Variants in PLXDC1 observed in about 807,000 individuals in gnomAD.
PLXDC1 encodes the protein plexin domain-containing protein 1.
A neutral mutation model predicts 61.3 loss-of-function variants in PLXDC1; 39 were observed. The ratio of observed to expected loss-of-function variants is 0.64; its 90% CI spans 0.49 to 0.83. The LOEUF is 0.83. Ranked by LOEUF, PLXDC1 falls within the 40% of genes least tolerant of loss-of-function variation. PLXDC1 has a pLI of 0.00. For missense variants in PLXDC1, 596 were observed against 666.5 expected (o/e 0.89, Z 1.17); for synonymous variants, 212 against 254.5 (o/e 0.83, Z 1.59).
intron 2 of PLXDC1, among the ~76,000 whole-genome samples, chr17:39,131,400 C>G (rs1250913997): frequency 6.6e-6 from 1 of 151,558 alleles, no homozygotes; most frequent in Non-Finnish European, 1.5e-5. Context: ...GTCGCCCAGG[C>G]TGGAGTGCAG....
chr17:39,135,363 T>C (rs1411896940), intron 2 of PLXDC1, among the ~76,000 whole-genome samples: 2 of 152,170 alleles, frequency 1.3e-5, no homozygotes, highest in South Asian at 2.1e-4. Flanking sequence ...AATTATAAAA[T>C]TGGTTTGAAA....
intron 5 of PLXDC1, chr17:39,107,746 C>T (rs1391864424): frequency 1.7e-6 from 1 of 597,068 alleles, no homozygotes; most frequent in Non-Finnish European, 3.0e-6. Flanking sequence ...AGATACTGTA[C>T]TTGATCATCT....
At chr17:39,087,147 A>T (rs925368733) in intron 8 of PLXDC1, among the ~76,000 whole-genome samples, 3 of 152,106 alleles carry the variant, frequency 2.0e-5, no homozygotes, top group Admixed American at 1.3e-4. Context: ...TGGTTTATGG[A>T]GGCCACCTGC....
rs371702899 is a variant in PLXDC1, at chr17:39,139,696, G to T, written c.213C>A (p.Thr71=). The T allele has an allele frequency of 2.4e-5, 39 of 1,613,842 alleles. No individual in the cohort carries two copies. In the South Asian group the frequency reaches 4.3e-4, roughly 18 times the overall value. The stretch of plus-strand genomic sequence containing the variant: ...TATCTGGCAGCGTGTCCATGGCCAG[G>T]GTGCCCCCACCCAGGTCCTGGCTCA... The part of the protein sequence containing the change: ...TQLSQDLGGG[T]LAMDTLPDNR... The change falls in exon 2 of 14, where the codon ACC becomes ACA. Residue 71 remains threonine, a synonymous_variant. Coordinates refer to ENST00000315392, the MANE Select transcript of PLXDC1 (RefSeq NM_020405.5).
At chr17:39,130,689 A>T (rs1911530415) in intron 2 of PLXDC1, among the ~76,000 whole-genome samples, 1 of 151,866 alleles carries the variant, frequency 6.6e-6, no homozygotes. Context: ...CAGCCTCCCA[A>T]GCAGCTGGGA....
intron 2 of PLXDC1, among the ~76,000 whole-genome samples, chr17:39,127,197 A>G (rs1911336218): frequency 1.3e-5 from 2 of 152,196 alleles, no homozygotes; most frequent in African/African-American, 4.8e-5. Context: ...CCCACCTTAC[A>G]GATGAGGAAA....
intron 2 of PLXDC1, 103 bp downstream of exon 2, chr17:39,139,551 C>T: frequency 8.6e-7 from 1 of 1,161,854 alleles, no homozygotes; most frequent in Non-Finnish European, 1.2e-6. Flanking sequence ...GGGCCAACCC[C>T]AAATGATATG....
At chr17:39,068,940 T>C (rs1489299022) in intron 13 of PLXDC1, among the ~76,000 whole-genome samples, 2 of 152,132 alleles carry the variant, frequency 1.3e-5, no homozygotes, top group Non-Finnish European at 2.9e-5. Flanking sequence ...AGTGGAGGAC[T>C]GGGGGCAGGA....
At chr17:39,133,627 C>T (rs1911635457) in intron 2 of PLXDC1, among the ~76,000 whole-genome samples, 4 of 152,154 alleles carry the variant, frequency 2.6e-5, no homozygotes, top group Admixed American at 2.6e-4. Context: ...TCATTCTTTT[C>T]TATTTTTTTG....
chr17:39,148,240 C>G (rs2045353618), intron 1 of PLXDC1, among the ~76,000 whole-genome samples: 1 of 152,090 alleles, frequency 6.6e-6, no homozygotes, highest in Non-Finnish European at 1.5e-5. Context: ...GATGGGACCT[C>G]GTTATGCTGC....
chr17:39,067,756 G>A lies in PLXDC1; in HGVS notation c.*84C>T, dbSNP rs1284857013. ...CATCTCAGCCCAGGGCATGCTGGGA[G>A]AGGCCAGGAAAAGTCACTTCTCTTC... On this transcript the variant is annotated 3_prime_UTR_variant, in exon 14 of 14. Transcript: ENST00000315392. 1 of 1,331,626 alleles carries A rather than the reference G, an allele frequency of 7.5e-7. No homozygotes were observed. Among genetic ancestry groups the A allele is most frequent in the Admixed American group, 2.0e-5 (1 of 50,086 alleles). 82.5% of individuals were successfully genotyped at this position (1,331,626 alleles called of 1,614,324 possible).
chr17:39,131,762 C>T (rs901686369), intron 2 of PLXDC1: 4 of 152,680 alleles, frequency 2.6e-5, no homozygotes, highest in Non-Finnish European at 5.9e-5. Context: ...TTACCTCGTT[C>T]CCTTGAGCAC....
intron 1 of PLXDC1, among the ~76,000 whole-genome samples, chr17:39,146,229 C>T (rs577273730): frequency 3.9e-5 from 6 of 152,242 alleles, no homozygotes; most frequent in Admixed American, 3.9e-4. Context: ...CGCCACCACA[C>T]CCAGCTAATT....
upstream of PLXDC1, chr17:39,151,754 A>C (rs811386): frequency 0.084 from 16,962 of 201,972 alleles, 999 homozygotes; most frequent in African/African-American, 0.15. The surrounding 1 kb of genome is among the most constrained non-coding windows in gnomAD (Gnocchi z 5.2). Flanking sequence ...CTCAGCCCTA[A>C]CGGAGCGCTC....
intron 1 of PLXDC1, among the ~76,000 whole-genome samples, chr17:39,147,175 C>T (rs995481187): frequency 1.3e-5 from 2 of 152,096 alleles, no homozygotes; most frequent in Non-Finnish European, 2.9e-5. Context: ...GCAGGCTGGT[C>T]TCGAACTCCT....
At chr17:39,107,546 C>T in intron 5 of PLXDC1, 21 bp from the exon 6 acceptor site, 1 of 1,539,900 alleles carries the variant, frequency 6.5e-7, no homozygotes, top group Non-Finnish European at 9.0e-7. Flanking sequence ...GAACAGAGAC[C>T]CGGCTGGACG....
In PLXDC1 at chr17:39,067,680, G is replaced by C; in HGVS notation, c.*160C>G. On this transcript the variant is annotated 3_prime_UTR_variant, in exon 14 of 14. Coordinates refer to ENST00000315392, the MANE Select transcript of PLXDC1 (RefSeq NM_020405.5). ...TTTTTTGGCCCCCTCTTCAATATTC[G>C]GGGTGTGCTGACGAAGCGAGCAGCA... The C allele has an allele frequency of 1.6e-6, 1 of 640,862 alleles. No homozygotes were observed. The highest frequency in any genetic ancestry group is 2.7e-6 in the Non-Finnish European group (1 of 375,714). 39.7% of individuals were successfully genotyped at this position (640,862 alleles called of 1,614,324 possible). A position where few individuals can be genotyped will look rare whatever the true frequency, so the allele number is the denominator to read the frequency against.
chr17:39,107,986 CTG>C, intron 5 of PLXDC1, 135 bp downstream of exon 5: 1 of 1,088,622 alleles, frequency 9.2e-7, no homozygotes. Context: ...GGTCAGGAAA[CTG>C]AGCAGAGAAA....
chr17:39,115,556 G>A (rs1436433870), intron 2 of PLXDC1, among the ~76,000 whole-genome samples: 1 of 152,214 alleles, frequency 6.6e-6, no homozygotes, highest in Non-Finnish European at 1.5e-5. Flanking sequence ...AGCTCTGGCT[G>A]AGGGTGGCCA....
Sources: gnomAD v4.1 joint callset for allele counts (sites outside exome capture counted in the v4.1 genomes callset) on GRCh38, gnomAD v4.1.1 for gene constraint, Gnocchi (gnomAD v3.1) non-coding constraint, MANE v1.5 for transcripts, NCBI Gene and HGNC (gene_info 2026-07-23, HGNC 2026-07-21) for gene names.